TRUB2: variants seen among roughly 807,000 people sequenced by gnomAD.
The protein encoded by TRUB2 is TruB pseudouridine synthase family member 2.
Under a neutral mutation model 31.9 loss-of-function variants are expected in TRUB2, and 31 were observed. The ratio of observed to expected loss-of-function variants is 0.97; its 90% confidence interval spans 0.73 to 1.31. TRUB2 has a LOEUF of 1.31. Among genes scored for constraint, TRUB2 ranks in the 50% most tolerant of loss-of-function variants. The pLI is 0.00. For missense variants in TRUB2, 451 were observed against 439.6 expected (o/e 1.03, Z -0.23); for synonymous variants, 201 against 182.6 (o/e 1.10, Z -0.81).
In TRUB2 at chr9:128,313,535, C is replaced by CA. The variant is rs563876862; in HGVS notation, c.460+272dup. 6.2e-3 allele frequency among the ~76,000 whole-genome samples: 485 copies of CA among 78,428 alleles called. 4 individuals carry two copies. The highest frequency in any genetic ancestry group is 0.01 in the Non-Finnish European group (356 of 34,872). 51.5% of individuals were successfully genotyped at this position (78,428 alleles called of 152,430 possible). On this transcript the variant is annotated intron_variant, in intron 5 of 7. Coordinates refer to ENST00000372890, the MANE Select transcript of TRUB2 (RefSeq NM_015679.3). Reference sequence around the variant, plus strand: ...TGGGCGACAGAGCGAGACTCCGTCTCAAAAAAAAAAAAAAAAAAAGAAAAG... The same window carrying CA: ...TGGGCGACAGAGCGAGACTCCGTCTCAAAAAAAAAAAAAAAAAAAAGAAAAG...
chr9:128,321,330 C>T (rs765657903), intron 2 of TRUB2, among the ~76,000 whole-genome samples: 1 of 152,228 alleles, frequency 6.6e-6, no homozygotes, highest in Non-Finnish European at 1.5e-5. Flanking sequence ...TATTGGAATA[C>T]AGCTAGGCTC....
chr9:128,317,088 T>C, intron 3 of TRUB2, 64 bp downstream of exon 3: 3 of 1,457,966 alleles, frequency 2.1e-6, no homozygotes, highest in Non-Finnish European at 2.8e-6. Flanking sequence ...GCTGGGCTCC[T>C]GGTAGCTTCA....
Position 128,305,319 on chromosome 9 carries a change from A to C in TRUB2, c.*4231T>G, listed in dbSNP as rs1409994890. On this transcript the variant is annotated 3_prime_UTR_variant, in exon 8 of 8. Transcript: ENST00000372890. ...CCCCTCCCCCAGGTGCCCAGTTCAT[A>C]CAGGCAGGCAATTGGCAGACGTGGG... The C allele has an allele frequency of 6.6e-6, 1 of 152,334 alleles. No individual in the cohort carries two copies. The highest frequency in any genetic ancestry group is 1.5e-5 in the Non-Finnish European group (1 of 68,114). The allele number at this position is 152,334 out of a possible 1,614,324, so 9.4% of individuals were successfully genotyped here. A position where few individuals can be genotyped will look rare whatever the true frequency, so the allele number is the denominator to read the frequency against.
rs1373394683 is a variant in TRUB2, at chr9:128,315,841, C to A, written c.317-213G>T. 8.8e-6 allele frequency: 5 copies of A among 571,088 alleles called. No individual in the cohort carries two copies. In the Admixed American group the frequency reaches 1.2e-4, roughly 13 times the overall value. The allele number at this position is 571,088 out of a possible 1,614,324, so 35.4% of individuals were successfully genotyped here. On this transcript the variant is annotated intron_variant, in intron 3 of 7. Transcript: ENST00000372890. Reference sequence around the variant, plus strand: ...CCTTACCCATATGCACTGAATCTGACTCATGGTTGGAGGGGGCCTAGGATC... The same window carrying A: ...CCTTACCCATATGCACTGAATCTGAATCATGGTTGGAGGGGGCCTAGGATC...
rs779464432 is a variant in TRUB2, at chr9:128,322,318, C to G, written c.91G>C (p.Glu31Gln). The G allele has an allele frequency of 6.2e-7, 1 of 1,614,128 alleles. No homozygotes were observed. Among genetic ancestry groups the G allele is most frequent in the East Asian group, 2.2e-5 (1 of 44,878 alleles). Reference protein sequence around the residue: ...LKWKHLRDTVELQLLKGLNAR... With the variant: ...LKWKHLRDTVQLQLLKGLNAR... ...CACTCACCCTTCAGAAGTTGTAGCT[C>G]CACTGTATCCCGCAGGTGCTTCCAT... The change falls in exon 1 of 8, where the codon GAG becomes CAG. Residue 31 changes from glutamate to glutamine, a missense_variant. Transcript: ENST00000372890.
chr9:128,310,283 C>T (rs998218036), intron 7 of TRUB2, among the ~76,000 whole-genome samples: 2 of 151,930 alleles, frequency 1.3e-5, no homozygotes, highest in African/African-American at 4.8e-5. Context: ...GAGACAGGGT[C>T]TCGCCATCTT....
At chr9:128,313,301 C>A (rs1314583653) in intron 5 of TRUB2, among the ~76,000 whole-genome samples, 1 of 149,656 alleles carries the variant, frequency 6.7e-6, no homozygotes, top group Non-Finnish European at 1.5e-5. Context: ...CCAAGGAGGG[C>A]GGATCATGAG....
At chr9:128,319,738 G>C (rs957870384) in intron 2 of TRUB2, among the ~76,000 whole-genome samples, 1 of 143,570 alleles carries the variant, frequency 7.0e-6, no homozygotes, top group Non-Finnish European at 1.5e-5. Context: ...TCCCAGGTTC[G>C]TGCGACTCCT....
In TRUB2 at chr9:128,320,356, C is replaced by T. The variant is rs1832143044; in HGVS notation, c.241+1243G>A. ...GGCTAATTTTTTTTTTTTTTTGAGA[C>T]AGTTTCACTCTTATTGTCCAGGCTA... On this transcript the variant is annotated intron_variant, in intron 2 of 7. Transcript: ENST00000372890. 2.0e-5 allele frequency among the ~76,000 whole-genome samples: 3 copies of T among 149,280 alleles called. No homozygotes were observed. In the South Asian group the frequency reaches 6.3e-4, roughly 31 times the overall value.
At position 128,309,803 on chromosome 9, in the gene TRUB2, G is replaced by A; in HGVS notation, c.743C>T (p.Thr248Ile). The A allele has an allele frequency of 6.2e-7, 1 of 1,614,238 alleles. No individual in the cohort carries two copies. Among genetic ancestry groups the A allele is most frequent in the East Asian group, 2.2e-5 (1 of 44,888 alleles). ...CCGCACTTGGGTGCAGACAGCAGTG[G>A]TCTTTAGTTCCAGGCCGATTTCATG... ...LVHEIGLELK[T>I]TAVCTQVRRT... The change falls in exon 8 of 8, where the codon ACC becomes ATC. Residue 248 changes from threonine to isoleucine, a missense_variant. Thr to Ile is a moderately conservative substitution (Grantham distance 89, BLOSUM62 -1). Coordinates refer to ENST00000372890, the MANE Select transcript of TRUB2 (RefSeq NM_015679.3).
chr9:128,313,921 T>C (rs1832024200), intron 4 of TRUB2, 32 bp from the exon 5 acceptor site: 1 of 1,606,518 alleles, frequency 6.2e-7, no homozygotes, highest in Non-Finnish European at 8.5e-7. Flanking sequence ...GATCCGTCAG[T>C]GACCCCATTC....
intron 3 of TRUB2, 137 bp downstream of exon 3, chr9:128,317,015 G>A (rs1034741941): frequency 2.7e-6 from 2 of 736,446 alleles, no homozygotes; most frequent in Non-Finnish European, 4.4e-6. Context: ...CAGCTGATCA[G>A]CCTTGGGGCA....
chr9:128,317,341 A>C, intron 2 of TRUB2, 115 bp from the exon 3 acceptor site: 1 of 906,544 alleles, frequency 1.1e-6, no homozygotes, highest in South Asian at 1.5e-5. Context: ...AACTAGCATC[A>C]GGCCAGACTC....
At chr9:128,318,113 G>A (rs1289575652) in intron 2 of TRUB2, among the ~76,000 whole-genome samples, 1 of 152,184 alleles carries the variant, frequency 6.6e-6, no homozygotes, top group East Asian at 1.9e-4. Flanking sequence ...GGAGGCCAAG[G>A]TGGGCGGATC....
In TRUB2 at chr9:128,313,906, G is replaced by A; in HGVS notation, c.379-17C>T. On this transcript the variant is annotated splice_polypyrimidine_tract_variant and intron_variant, in intron 4 of 7. Transcript: ENST00000372890. Reference sequence around the variant, plus strand: ...TGTGTAATCCTTCAAGGACAGGGAGGTAAAGATCCGTCAGTGACCCCATTC... The same window carrying A: ...TGTGTAATCCTTCAAGGACAGGGAGATAAAGATCCGTCAGTGACCCCATTC... 1.2e-6 allele frequency: 2 copies of A among 1,612,628 alleles called. No individual in the cohort carries two copies. The highest frequency in any genetic ancestry group is 1.7e-6 in the Non-Finnish European group (2 of 1,178,804).
At chr9:128,316,436 G>A (rs900664787) in intron 3 of TRUB2, 1 of 152,128 alleles carries the variant, frequency 6.6e-6, no homozygotes, top group Non-Finnish European at 1.5e-5. Flanking sequence ...CTGTGCAGTC[G>A]GCACAGAGGA....
At chr9:128,311,667 C>T (rs1332579056) in intron 5 of TRUB2, 66 bp from the exon 6 acceptor site, 4 of 1,539,002 alleles carry the variant, frequency 2.6e-6, no homozygotes, top group East Asian at 4.5e-5. Context: ...CAAACTCCTT[C>T]CCCCCAGGCC....
chr9:128,315,010 C>T (rs1051296067), intron 4 of TRUB2, among the ~76,000 whole-genome samples: 2 of 152,172 alleles, frequency 1.3e-5, no homozygotes, highest in Admixed American at 6.5e-5. Flanking sequence ...AGAATTTGTG[C>T]CCTTAACCAC....
chr9:128,313,035 G>A (rs1008419935), intron 5 of TRUB2, among the ~76,000 whole-genome samples: 4 of 151,940 alleles, frequency 2.6e-5, no homozygotes, highest in Non-Finnish European at 5.9e-5. Flanking sequence ...GGCCAACAGG[G>A]TGAAACCCAA....
Sources: gnomAD v4.1 joint callset for allele counts (sites outside exome capture counted in the v4.1 genomes callset) on GRCh38, gnomAD v4.1.1 for gene constraint, MANE v1.5 for transcripts, NCBI Gene and HGNC (gene_info 2026-07-23, HGNC 2026-07-21) for gene names.